POTEE: variants seen among roughly 807,000 people sequenced by gnomAD.
POTEE encodes the protein ANKRD26-like family C member 1A.
A neutral mutation model predicts 74.2 loss-of-function variants in POTEE; 21 were observed. The observed-to-expected ratio is 0.28, with a 90% CI of 0.20 to 0.41. The LOEUF is 0.41. Ranked by LOEUF, POTEE falls within the 10% of genes least tolerant of loss-of-function variation. The pLI, the probability that POTEE is intolerant of heterozygous loss-of-function variation, is 1.00. For missense variants in POTEE, 525 were observed against 1,158.6 expected (o/e 0.45, Z 7.94); for synonymous variants, 211 against 432.8 (o/e 0.49, Z 6.36).
At chr2:131,217,748 C>T (rs1023490644) in intron 3 of POTEE, among the ~76,000 whole-genome samples, 65 bp downstream of exon 3, 17 of 140,260 alleles carry the variant, frequency 1.2e-4, no homozygotes, top group Admixed American at 2.8e-4. Flanking sequence ...ATAAGCACGC[C>T]GCACGCCGCA....
At chr2:131,211,658 T>C (rs949800560) in intron 2 of POTEE, among the ~76,000 whole-genome samples, 1 of 141,954 alleles carries the variant, frequency 7.0e-6, no homozygotes, top group African/African-American at 2.6e-5. Context: ...GTTCACCCCA[T>C]CCTCCTGCCT....
Position 131,262,342 on chromosome 2 carries a change from C to G in POTEE, c.1899+496C>G, listed in dbSNP as rs1231642537. The stretch of plus-strand genomic sequence containing the variant: ...ATTTCAGTGTAAAGAGGTTTGAAAA[C>G]AATGACATGCCATGATACACATTTA... On this transcript the variant is annotated intron_variant, in intron 17 of 17. Transcript: ENST00000683005. 2.1e-5 allele frequency among the ~76,000 whole-genome samples: 3 copies of G among 140,178 alleles called. No individual in the cohort carries two copies. In the South Asian group the frequency reaches 7.5e-4, roughly 35 times the overall value. The allele number at this position is 140,178 out of a possible 152,430, so 92.0% of individuals were successfully genotyped here. A position where few individuals can be genotyped will look rare whatever the true frequency, so the allele number is the denominator to read the frequency against.
intron 16 of POTEE, among the ~76,000 whole-genome samples, chr2:131,254,963 C>T (rs2105128965): frequency 6.6e-6 from 1 of 152,396 alleles, no homozygotes; most frequent in East Asian, 1.9e-4. Context: ...AAATGATAAT[C>T]AGCTTATGTA....
chr2:131,220,704 G>A (rs943772030), intron 4 of POTEE, among the ~76,000 whole-genome samples: 1 of 152,028 alleles, frequency 6.6e-6, no homozygotes, highest in Non-Finnish European at 1.5e-5. Flanking sequence ...GCTTACGCCC[G>A]TTACCCCAGC....
intron 9 of POTEE, among the ~76,000 whole-genome samples, chr2:131,235,385 A>C (rs915411149): frequency 1.3e-5 from 2 of 152,256 alleles, no homozygotes; most frequent in African/African-American, 4.8e-5. Context: ...TTCAGGTGGT[A>C]AAGATGCAGT....
chr2:131,211,024 C>G lies in POTEE; in HGVS notation c.-344-4C>G, dbSNP rs1455500363. On this transcript the variant is annotated splice_region_variant and splice_polypyrimidine_tract_variant and intron_variant, in intron 1 of 17. Transcript: ENST00000683005. ...ACGTTACCACTCCCTGCATCCCATT[C>G]TAGGCTTTTCTGGCTTTGCCGGTCT... Among the ~76,000 whole-genome samples, 2 of 150,800 alleles carry G rather than the reference C, an allele frequency of 1.3e-5. No individual in the cohort carries two copies. Among genetic ancestry groups the G allele is most frequent in the African/African-American group, 2.5e-5 (1 of 40,146 alleles).
At chr2:131,224,730 G>A (rs1382272909) in intron 6 of POTEE, among the ~76,000 whole-genome samples, 4 of 150,980 alleles carry the variant, frequency 2.6e-5, no homozygotes, top group Non-Finnish European at 5.9e-5. Context: ...TTAGTGGGTT[G>A]TAAACTACCT....
intron 7 of POTEE, 79 bp from the exon 8 acceptor site, chr2:131,228,165 G>A (rs1700838776): frequency 1.3e-6 from 2 of 1,493,690 alleles, no homozygotes; most frequent in Non-Finnish European, 1.8e-6. Context: ...GCACAGACAG[G>A]CAAGATGTTA....
chr2:131,222,012 C>A (rs1188396002), intron 4 of POTEE, among the ~76,000 whole-genome samples: 1 of 152,290 alleles, frequency 6.6e-6, no homozygotes, highest in East Asian at 1.9e-4. Context: ...TGGGCTTGAG[C>A]AAGCTGAGAG....
chr2:131,214,567 A>G (rs1369007606), intron 2 of POTEE, among the ~76,000 whole-genome samples: 1 of 152,184 alleles, frequency 6.6e-6, no homozygotes, highest in Non-Finnish European at 1.5e-5. Flanking sequence ...TGATGTATAT[A>G]TAATGGCTCG....
At chr2:131,231,905 G>T (rs1436238331) in intron 9 of POTEE, among the ~76,000 whole-genome samples, 1 of 152,088 alleles carries the variant, frequency 6.6e-6, no homozygotes, top group African/African-American at 2.4e-5. Flanking sequence ...AAGAGCTTTT[G>T]TAAGTTAGGT....
intron 9 of POTEE, among the ~76,000 whole-genome samples, chr2:131,233,172 G>T (rs1274910270): frequency 2.6e-5 from 4 of 152,136 alleles, no homozygotes; most frequent in Non-Finnish European, 5.9e-5. Flanking sequence ...GATTAAATCT[G>T]AGTATTAAGG....
intron 6 of POTEE, among the ~76,000 whole-genome samples, chr2:131,225,587 G>C (rs1377890601): frequency 7.2e-6 from 1 of 138,784 alleles, no homozygotes; most frequent in Admixed American, 7.5e-5. Context: ...TTTTTTTTGA[G>C]ATGGGGTCTC....
chr2:131,235,211 C>G (rs1187407926), intron 9 of POTEE, among the ~76,000 whole-genome samples: 1 of 149,292 alleles, frequency 6.7e-6, no homozygotes, highest in Middle Eastern at 3.4e-3. Flanking sequence ...AAAAGCCATC[C>G]CTGACATGCT....
chr2:131,228,727 C>A (rs559328118), intron 8 of POTEE, among the ~76,000 whole-genome samples: 5 of 147,108 alleles, frequency 3.4e-5, no homozygotes, highest in African/African-American at 5.5e-5. Context: ...TCTAGTTTAG[C>A]GGAAAGTCTT....
At chr2:131,260,249 T>C (rs548970855) in intron 16 of POTEE, among the ~76,000 whole-genome samples, 4 of 150,090 alleles carry the variant, frequency 2.7e-5, no homozygotes, top group African/African-American at 5.1e-5. Flanking sequence ...TCAGGTAATG[T>C]GATGCCAACA....
At chr2:131,224,145 C>T (rs1267359647) in intron 6 of POTEE, 102 bp downstream of exon 6, 3 of 1,453,908 alleles carry the variant, frequency 2.1e-6, no homozygotes, top group Admixed American at 2.5e-5. Flanking sequence ...TCAAGCATAA[C>T]CTGAATGAAA....
chr2:131,248,984 GAGAA>G (rs1207201974), intron 13 of POTEE, among the ~76,000 whole-genome samples: 5 of 151,474 alleles, frequency 3.3e-5, no homozygotes, highest in African/African-American at 7.3e-5. Flanking sequence ...AAAGAAGTAA[GAGAA>G]AGAGTGTTTT....
chr2:131,232,769 G>A (rs962838939), intron 9 of POTEE, among the ~76,000 whole-genome samples: 1 of 151,786 alleles, frequency 6.6e-6, no homozygotes. Flanking sequence ...GCTGTTGACA[G>A]TGTTTTATTC....
Sources: gnomAD v4.1 joint callset for allele counts (sites outside exome capture counted in the v4.1 genomes callset) on GRCh38, gnomAD v4.1.1 for gene constraint, MANE v1.5 for transcripts, NCBI Gene and HGNC (gene_info 2026-07-23, HGNC 2026-07-21) for gene names.